SLIT2: variants seen among roughly 807,000 people sequenced by gnomAD.
The protein encoded by SLIT2 is slit homolog 2 protein.
Under a neutral mutation model 185.7 loss-of-function variants are expected in SLIT2, and 41 were observed. The ratio of observed to expected loss-of-function variants is 0.22; its 90% CI spans 0.17 to 0.29. SLIT2 has a LOEUF of 0.29. Ranked by LOEUF, SLIT2 falls within the 10% of genes least tolerant of loss-of-function variation. The probability of loss-of-function intolerance (pLI) is 1.00; values close to 1 mark genes in which losing one functional copy is unlikely to be tolerated. For missense variants in SLIT2, 1,571 were observed against 1,909.0 expected (o/e 0.82, Z 3.30); for synonymous variants, 693 against 680.2 (o/e 1.02, Z -0.29).
intron 21 of SLIT2, among the ~76,000 whole-genome samples, 186 bp downstream of exon 21, chr4:20,542,812 CTGTGTGTGTG>C (rs753747459): frequency 1.4e-4 from 15 of 111,052 alleles, no homozygotes; most frequent in Non-Finnish European, 2.5e-4. Flanking sequence ...TTGGGAATTG[CTGTGTGTGTG>C]TGTGTGTGTG....
chr4:20,441,795 A>G (rs983734057), intron 4 of SLIT2, among the ~76,000 whole-genome samples: 4 of 152,132 alleles, frequency 2.6e-5, no homozygotes, highest in Non-Finnish European at 5.9e-5. Context: ...TCCATCTACT[A>G]TACAGCAGCC....
chr4:20,511,444 C>T (rs548328953), intron 11 of SLIT2, among the ~76,000 whole-genome samples: 5 of 124,058 alleles, frequency 4.0e-5, no homozygotes, highest in South Asian at 2.6e-4. Flanking sequence ...TTTTTTGAGA[C>T]GGAGTCTTGC....
chr4:20,510,060 A>G (rs188435422), intron 9 of SLIT2, among the ~76,000 whole-genome samples: 10 of 152,280 alleles, frequency 6.6e-5, no homozygotes, highest in South Asian at 2.1e-4. Flanking sequence ...GAGGAAATAA[A>G]AGGCTTATAA....
intron 4 of SLIT2, among the ~76,000 whole-genome samples, chr4:20,443,793 C>G (rs1006289550): frequency 6.6e-6 from 1 of 151,932 alleles, no homozygotes. Context: ...TTCTGAAGAG[C>G]CTCATCATGT....
chr4:20,426,281 T>G (rs1401776804), intron 4 of SLIT2, among the ~76,000 whole-genome samples: 1 of 152,156 alleles, frequency 6.6e-6, no homozygotes, highest in Non-Finnish European at 1.5e-5. Context: ...CAACTTTCAC[T>G]GTGTAGGAGG....
intron 22 of SLIT2, among the ~76,000 whole-genome samples, chr4:20,548,049 T>C (rs1723410183): frequency 6.6e-6 from 1 of 152,038 alleles, no homozygotes; most frequent in African/African-American, 2.4e-5. Flanking sequence ...GAGGGTAAAG[T>C]ATGTGTATCT....
chr4:20,403,623 T>C (rs990727616), intron 4 of SLIT2, among the ~76,000 whole-genome samples: 3 of 151,924 alleles, frequency 2.0e-5, no homozygotes, highest in African/African-American at 7.2e-5. Context: ...AGTAACTTTA[T>C]TTATGTATTT....
chr4:20,596,859 A>T (rs73093155), intron 32 of SLIT2, among the ~76,000 whole-genome samples: 2,452 of 146,846 alleles, frequency 0.017, 57 homozygotes, highest in African/African-American at 0.059. Flanking sequence ...AAATATTTTT[A>T]TTCATTACTT....
intron 4 of SLIT2, among the ~76,000 whole-genome samples, chr4:20,422,480 A>G (rs1216645279): frequency 1.3e-5 from 2 of 152,180 alleles, no homozygotes; most frequent in Non-Finnish European, 1.5e-5. Context: ...GATCATTTTG[A>G]TTGACCAAAA....
At chr4:20,316,649 A>G (rs1417146972) in intron 4 of SLIT2, among the ~76,000 whole-genome samples, 3 of 151,506 alleles carry the variant, frequency 2.0e-5, no homozygotes, top group African/African-American at 7.3e-5. Flanking sequence ...ATTTATATAT[A>G]AATATGTTTT....
intron 4 of SLIT2, among the ~76,000 whole-genome samples, chr4:20,280,888 A>G (rs1714697800): frequency 6.8e-6 from 1 of 146,206 alleles, no homozygotes. Context: ...GTTGGAGTGC[A>G]ATGGCGTGAT....
intron 4 of SLIT2, among the ~76,000 whole-genome samples, chr4:20,373,717 T>G (rs1723779920): frequency 6.6e-6 from 1 of 152,086 alleles, no homozygotes. Context: ...TATAAATGAC[T>G]AAGTGAAACC....
intron 4 of SLIT2, among the ~76,000 whole-genome samples, chr4:20,445,845 T>C (rs1381678981): frequency 6.6e-6 from 1 of 152,204 alleles, no homozygotes; most frequent in African/African-American, 2.4e-5. Context: ...AGCGACTCTC[T>C]TAATTATGGT....
At chr4:20,594,030 G>GTA in intron 30 of SLIT2, among the ~76,000 whole-genome samples, 1 of 147,870 alleles carries the variant, frequency 6.8e-6, no homozygotes, top group African/African-American at 2.5e-5. Context: ...GTGTATATAT[G>GTA]TGTATATATG....
At chr4:20,548,702 C>T (rs530515084) in intron 23 of SLIT2, 143 bp downstream of exon 23, 65 of 631,104 alleles carry the variant, frequency 1.0e-4, no homozygotes, top group Middle Eastern at 2.6e-4. Flanking sequence ...AACCACGATA[C>T]GTGAACAATG....
At chr4:20,592,340 G>T (rs1727578941) in intron 30 of SLIT2, among the ~76,000 whole-genome samples, 1 of 152,086 alleles carries the variant, frequency 6.6e-6, no homozygotes. Context: ...TACATAGCCA[G>T]CTTTGGGCTT....
chr4:20,492,121 A>AT lies in SLIT2; in HGVS notation c.914+228dup, dbSNP rs531818352. Among the ~76,000 whole-genome samples the AT allele has an allele frequency of 2.4e-3, 361 of 152,282 alleles. 3 individuals carry two copies. Among genetic ancestry groups the AT allele is most frequent in the African/African-American group, 8.4e-3 (351 of 41,558 alleles). ...CCACAGATAGAATTAAAAGGAATAC[A>AT]TTTTTTAGGAAAAACAAGGCAAACA... On this transcript the variant is annotated intron_variant, in intron 9 of 36. Coordinates refer to ENST00000504154, the MANE Select transcript of SLIT2 (RefSeq NM_004787.4).
chr4:20,520,256 A>G (rs1720724515), intron 12 of SLIT2, among the ~76,000 whole-genome samples: 1 of 152,200 alleles, frequency 6.6e-6, no homozygotes, highest in African/African-American at 2.4e-5. Context: ...GTCTCAAAAG[A>G]AGTATTTACC....
At chr4:20,314,270 A>C (rs1464201348) in intron 4 of SLIT2, among the ~76,000 whole-genome samples, 1 of 152,222 alleles carries the variant, frequency 6.6e-6, no homozygotes, top group African/African-American at 2.4e-5. Context: ...AGATAATGTT[A>C]AGATCTGATA....
Sources: allele counts gnomAD v4.1 joint callset (sites outside exome capture counted in the v4.1 genomes callset), GRCh38; gene constraint gnomAD v4.1.1; transcripts MANE v1.5; gene names NCBI Gene and HGNC (gene_info 2026-07-23, HGNC 2026-07-21).